KPNA7: variants seen among roughly 807,000 people sequenced by gnomAD.
KPNA7 encodes importin subunit alpha-8.
In KPNA7, 54 loss-of-function variants were observed where a neutral mutation model predicts 53.7. The ratio of observed to expected loss-of-function variants is 1.01; its 90% CI spans 0.81 to 1.26. The LOEUF (loss-of-function observed/expected upper bound fraction) is 1.26. Ranked by LOEUF, KPNA7 falls within the 50% of genes most tolerant of loss-of-function variation. The pLI, the probability that KPNA7 is intolerant of heterozygous loss-of-function variation, is 0.00. For synonymous variants in KPNA7, 276 were observed against 259.3 expected (o/e 1.06, Z -0.62); for missense variants, 640 against 644.5 (o/e 0.99, Z 0.07).
downstream of KPNA7, among the ~76,000 whole-genome samples, chr7:99,172,786 G>C (rs1274862873): frequency 6.6e-6 from 1 of 152,024 alleles, no homozygotes; most frequent in East Asian, 1.9e-4. Context: ...GTAGAGACCA[G>C]GCATGTTGGC....
intron 1 of KPNA7, among the ~76,000 whole-genome samples, chr7:99,213,269 G>GTA (rs1221420062): frequency 1.3e-5 from 2 of 151,206 alleles, no homozygotes; most frequent in East Asian, 3.9e-4. Context: ...TGGAACTAAA[G>GTA]GCTCACACCA....
downstream of KPNA7, among the ~76,000 whole-genome samples, chr7:99,169,766 C>A (rs1220715622): frequency 6.8e-6 from 1 of 146,364 alleles, no homozygotes; most frequent in Non-Finnish European, 1.5e-5. Flanking sequence ...CTGGGCCAGG[C>A]GCAGTGGCTC....
the KPNA7 span, among the ~76,000 whole-genome samples, chr7:99,168,180 C>T: frequency 1.3e-5 from 2 of 152,276 alleles, no homozygotes; most frequent in African/African-American, 4.8e-5. Flanking sequence ...GAATCTAAAC[C>T]TCTTGAGGGC....
downstream of KPNA7, among the ~76,000 whole-genome samples, chr7:99,171,501 G>T (rs1269697853): frequency 1.3e-5 from 2 of 151,920 alleles, no homozygotes; most frequent in East Asian, 3.9e-4. Context: ...GAGTGCAGTG[G>T]CACCATCATA....
At chr7:99,155,853 C>A in the KPNA7 span, among the ~76,000 whole-genome samples, 23 of 152,000 alleles carry the variant, frequency 1.5e-4, no homozygotes, top group African/African-American at 5.3e-4. Flanking sequence ...ACATGAGTTA[C>A]TGTGCCCAGC....
At chr7:99,190,353 GA>G (rs957164359) in intron 6 of KPNA7, among the ~76,000 whole-genome samples, 2 of 137,302 alleles carry the variant, frequency 1.5e-5, no homozygotes, top group South Asian at 2.5e-4. Flanking sequence ...AAAAAAAGCA[GA>G]AAAAAAAGCA....
At chr7:99,164,683 A>G in the KPNA7 span, among the ~76,000 whole-genome samples, 1 of 152,152 alleles carries the variant, frequency 6.6e-6, no homozygotes, top group Admixed American at 6.5e-5. Context: ...CTAAGACCAA[A>G]AAGGAGGCCT....
intron 7 of KPNA7, among the ~76,000 whole-genome samples, chr7:99,185,460 C>CGAG (rs1196328744): frequency 6.6e-6 from 1 of 152,150 alleles, no homozygotes; most frequent in East Asian, 1.9e-4. Context: ...GATCCTCCTC[C>CGAG]CCCAGCCTCC....
chr7:99,211,798 C>T (rs1791077828), upstream of KPNA7, among the ~76,000 whole-genome samples: 1 of 152,182 alleles, frequency 6.6e-6, no homozygotes, highest in South Asian at 2.1e-4. Flanking sequence ...TCCTCCACAG[C>T]CTGGGAAAGA....
At chr7:99,195,391 T>G (rs2150751170) in intron 4 of KPNA7, 53 bp from the exon 5 acceptor site, 5 of 1,508,352 alleles carry the variant, frequency 3.3e-6, no homozygotes, top group East Asian at 4.9e-5. Flanking sequence ...AGAGAGGTAT[T>G]AAGGACCTCC....
chr7:99,176,981 T>C (rs1798929420), intron 10 of KPNA7, among the ~76,000 whole-genome samples: 1 of 152,202 alleles, frequency 6.6e-6, no homozygotes, highest in Non-Finnish European at 1.5e-5. Context: ...GAAACTCACA[T>C]GTCGATTGAC....
chr7:99,195,344 C>G lies in KPNA7; in HGVS notation c.285-6G>C, dbSNP rs1173836773. 6.5e-7 allele frequency: 1 copy of G among 1,546,032 alleles called. No individual in the cohort carries two copies. On this transcript the variant is annotated splice_polypyrimidine_tract_variant and splice_region_variant and intron_variant, in intron 4 of 10. Transcript: ENST00000327442. The stretch of plus-strand genomic sequence containing the variant: ...TTTCCTGGGATAGCATTTTCCTATG[C>G]AATGAAAGAGAGGGCAGGGGAGGGG...
chr7:99,182,590 C>A (rs1434084629), intron 8 of KPNA7, among the ~76,000 whole-genome samples: 1 of 152,134 alleles, frequency 6.6e-6, no homozygotes, highest in Non-Finnish European at 1.5e-5. Context: ...CCATCTCGGC[C>A]TCCCAAAGTG....
chr7:99,148,858 A>T, the KPNA7 span, among the ~76,000 whole-genome samples: 1 of 145,144 alleles, frequency 6.9e-6, no homozygotes, highest in Admixed American at 6.9e-5. Context: ...AAGGGCTAAG[A>T]TTACAGGCAT....
At chr7:99,184,177 CAG>C (rs1789448575) in intron 8 of KPNA7, among the ~76,000 whole-genome samples, 1 of 124,678 alleles carries the variant, frequency 8.0e-6, no homozygotes, top group East Asian at 2.5e-4. Flanking sequence ...TTTTTTGAGA[CAG>C]GGTCTCACTG....
At chr7:99,174,679 AC>A (rs1798837238) in intron 10 of KPNA7, among the ~76,000 whole-genome samples, 1 of 152,180 alleles carries the variant, frequency 6.6e-6, no homozygotes, top group Non-Finnish European at 1.5e-5. Flanking sequence ...GTTTTGATAG[AC>A]ATAGAACACC....
chr7:99,183,963 T>C (rs972307114), intron 8 of KPNA7, among the ~76,000 whole-genome samples: 2 of 152,004 alleles, frequency 1.3e-5, no homozygotes, highest in African/African-American at 4.8e-5. Flanking sequence ...TCTCCTGTCT[T>C]AGGCCTCCCA....
chr7:99,153,535 G>A, the KPNA7 span, among the ~76,000 whole-genome samples: 13 of 146,910 alleles, frequency 8.8e-5, no homozygotes, highest in East Asian at 5.9e-4. Flanking sequence ...AGGTGACAGA[G>A]CGAGACACTG....
Position 99,177,902 on chromosome 7 carries a change from C to T in KPNA7, c.1464+18G>A, listed in dbSNP as rs200603524. ...ACCAAGACCCCTGGATACTCCTCCA[C>T]GCTCCTAAGTCACTTACCTCACCAA... On this transcript the variant is annotated intron_variant, in intron 10 of 10. Transcript: ENST00000327442. 2.5e-4 allele frequency: 383 copies of T among 1,551,170 alleles called. No individual in the cohort carries two copies. The highest frequency in any genetic ancestry group is 3.3e-4 in the Middle Eastern group (2 of 6,016).
Sources: gnomAD v4.1 joint callset for allele counts (sites outside exome capture counted in the v4.1 genomes callset) on GRCh38, gnomAD v4.1.1 for gene constraint, MANE v1.5 for transcripts, NCBI Gene and HGNC (gene_info 2026-07-23, HGNC 2026-07-21) for gene names.